Variants in AMD1 observed in about 807,000 individuals in gnomAD.
AMD1 encodes adenosylmethionine decarboxylase 1, also known as S-adenosylmethionine decarboxylase proenzyme.
Under a neutral mutation model 40.2 loss-of-function variants are expected in AMD1, and 11 were observed. The observed-to-expected ratio is 0.27, with a 90% CI of 0.17 to 0.45. The LOEUF is 0.45. AMD1 is among the 20% of genes least tolerant of loss of function. The pLI, the probability that AMD1 is intolerant of heterozygous loss-of-function variation, is 1.00. For missense variants in AMD1, 257 were observed against 410.2 expected, an observed-to-expected ratio of 0.63 and a Z score of 3.23; for synonymous variants, 121 against 130.8, an observed-to-expected ratio of 0.93 and a Z score of 0.51.
chr6:110,884,916 A>C (rs1785602182), intron 1 of AMD1, among the ~76,000 whole-genome samples: 1 of 152,216 alleles, frequency 6.6e-6, no homozygotes, highest in Admixed American at 6.5e-5. Context: ...GTGATGACTT[A>C]AGCAGGTAGC....
chr6:110,880,110 G>C (rs12208711), intron 1 of AMD1, among the ~76,000 whole-genome samples: 5,613 of 151,978 alleles, frequency 0.037, 130 homozygotes, highest in Middle Eastern at 0.071. Flanking sequence ...TATGCACCAC[G>C]ATGCCTGGCT....
At chr6:110,828,268 TA>T in the AMD1 span, among the ~76,000 whole-genome samples, 1 of 152,036 alleles carries the variant, frequency 6.6e-6, no homozygotes, top group African/African-American at 2.4e-5. Flanking sequence ...CCGTCTCTGC[TA>T]AAAATACAAA....
the AMD1 span, among the ~76,000 whole-genome samples, chr6:110,863,400 C>T: frequency 6.8e-6 from 1 of 147,210 alleles, no homozygotes; most frequent in Non-Finnish European, 1.5e-5. Flanking sequence ...GACAGAGTCT[C>T]GCTCTGTCTC....
chr6:110,850,374 T>C, the AMD1 span, among the ~76,000 whole-genome samples: 1 of 152,178 alleles, frequency 6.6e-6, no homozygotes, highest in Admixed American at 6.6e-5. Context: ...CCAAATTCCC[T>C]TGACCCTCCC....
intron 1 of AMD1, among the ~76,000 whole-genome samples, chr6:110,878,695 GAC>G (rs1177471073): frequency 6.6e-6 from 1 of 152,134 alleles, no homozygotes; most frequent in Non-Finnish European, 1.5e-5. Flanking sequence ...CTTTTTATAA[GAC>G]ATGGCAGCTT....
chr6:110,847,903 A>T, the AMD1 span, among the ~76,000 whole-genome samples: 2 of 151,212 alleles, frequency 1.3e-5, no homozygotes, highest in East Asian at 4.0e-4. Flanking sequence ...TTTAGTAGAG[A>T]CAGGGTTTCA....
chr6:110,850,907 TAC>T, the AMD1 span, among the ~76,000 whole-genome samples: 1 of 152,212 alleles, frequency 6.6e-6, no homozygotes, highest in Non-Finnish European at 1.5e-5. Flanking sequence ...ATTTTTGAAA[TAC>T]AGAGGTAATA....
the AMD1 span, among the ~76,000 whole-genome samples, chr6:110,846,469 A>G: frequency 6.6e-6 from 1 of 152,242 alleles, no homozygotes; most frequent in Non-Finnish European, 1.5e-5. Flanking sequence ...TACAGAAACT[A>G]TCAGAGGAAA....
the AMD1 span, among the ~76,000 whole-genome samples, chr6:110,832,409 C>T: frequency 3.3e-5 from 5 of 152,078 alleles, no homozygotes; most frequent in African/African-American, 1.2e-4. Context: ...CCTTAGCCTC[C>T]CATTGTGCTG....
the AMD1 span, among the ~76,000 whole-genome samples, chr6:110,848,873 C>A: frequency 6.6e-6 from 1 of 152,138 alleles, no homozygotes; most frequent in Admixed American, 6.6e-5. Context: ...GATATTGGGG[C>A]ATGTACCTGT....
Position 110,874,827 on chromosome 6 carries a change from ACT to A in AMD1, c.-272_-271del, listed in dbSNP as rs1204801706. The A allele has an allele frequency of 5.6e-6, 2 of 356,940 alleles. No individual in the cohort carries two copies. The highest frequency in any genetic ancestry group is 2.1e-5 in the African/African-American group (1 of 46,956). 22.1% of individuals were successfully genotyped at this position (356,940 alleles called of 1,614,324 possible). A position where few individuals can be genotyped will look rare whatever the true frequency, so the allele number is the denominator to read the frequency against. On this transcript the variant is annotated 5_prime_UTR_variant, in exon 1 of 9. Transcript: ENST00000368885. ...GGCGACATTAGCTAGCGCTCGCTCT[ACT>A]CTCTCTAACGGGAAAGCAGCGGAAT...
the AMD1 span, among the ~76,000 whole-genome samples, chr6:110,829,278 T>C: frequency 6.6e-6 from 1 of 151,352 alleles, no homozygotes; most frequent in African/African-American, 2.4e-5. Context: ...ACACCTGCAA[T>C]CCCAACACTT....
chr6:110,861,231 G>A, the AMD1 span, among the ~76,000 whole-genome samples: 2 of 151,828 alleles, frequency 1.3e-5, no homozygotes, highest in Admixed American at 6.6e-5. Context: ...AGTGGCGGGC[G>A]CCTGTAGTCC....
chr6:110,856,227 C>A, the AMD1 span, among the ~76,000 whole-genome samples: 19 of 152,140 alleles, frequency 1.2e-4, no homozygotes, highest in Non-Finnish European at 2.5e-4. Context: ...GTTGCTGCAT[C>A]TGTTGACACA....
At chr6:110,863,291 A>G in the AMD1 span, among the ~76,000 whole-genome samples, 1 of 149,452 alleles carries the variant, frequency 6.7e-6, no homozygotes, top group Non-Finnish European at 1.5e-5. Flanking sequence ...TTGTAGATAC[A>G]TGTCTTTTAC....
Position 110,893,008 on chromosome 6 carries a change from G to A in AMD1, c.807G>A (p.Arg269=), listed in dbSNP as rs1246069370. 3 of 1,613,764 alleles carry A rather than the reference G, an allele frequency of 1.9e-6. No individual in the cohort carries two copies. In the Admixed American group the frequency reaches 5.0e-5, roughly 27 times the overall value. ...LSQTSYDDLI[R]KVVEVFKPGK... is the part of the protein sequence containing the mutation. ...AGACCTCCTATGATGACCTGATCAG[G>A]AAAGTTGTAGAAGTCTTCAAGCCAG... The change falls in exon 8 of 9, where the codon AGG becomes AGA. Residue 269 remains arginine (R), a synonymous_variant. Coordinates refer to ENST00000368885, the MANE Select transcript of AMD1 (RefSeq NM_001634.6).
chr6:110,849,328 T>C, the AMD1 span, among the ~76,000 whole-genome samples: 2 of 152,186 alleles, frequency 1.3e-5, no homozygotes, highest in South Asian at 4.1e-4. Flanking sequence ...TTAAATTGGC[T>C]GAAGAAATTA....
Position 110,874,962 on chromosome 6 carries a change from T to C in AMD1, c.-144T>C, listed in dbSNP as rs1268306792. 1.6e-6 allele frequency: 1 copy of C among 615,460 alleles called. No individual in the cohort carries two copies. The highest frequency in any genetic ancestry group is 2.8e-6 in the Non-Finnish European group (1 of 358,570). The allele number at this position is 615,460 out of a possible 1,614,324, so 38.1% of individuals were successfully genotyped here. A position where few individuals can be genotyped will look rare whatever the true frequency, so the allele number is the denominator to read the frequency against. On this transcript the variant is annotated 5_prime_UTR_variant, in exon 1 of 9. Coordinates refer to ENST00000368885, the MANE Select transcript of AMD1 (RefSeq NM_001634.6). ...TAGTCCTTTTTTTAAAAAAAGTTAA[T>C]ATAAAATTATAGCAAAAAAAAAAAG...
At chr6:110,855,588 G>T in the AMD1 span, among the ~76,000 whole-genome samples, 81 of 152,202 alleles carry the variant, frequency 5.3e-4, no homozygotes, top group African/African-American at 1.8e-3. Context: ...GGTGTCTCTT[G>T]TCTAGGACAT....
Sources: allele counts gnomAD v4.1 joint callset (sites outside exome capture counted in the v4.1 genomes callset), GRCh38; gene constraint gnomAD v4.1.1; transcripts MANE v1.5; gene names NCBI Gene and HGNC (gene_info 2026-07-23, HGNC 2026-07-21).